Variants in TNFSF11 observed in about 807,000 individuals in gnomAD.
The protein encoded by TNFSF11 is tumor necrosis factor ligand superfamily member 11.
Under a neutral mutation model 32.2 loss-of-function variants are expected in TNFSF11, and 12 were observed. The observed-to-expected ratio is 0.37, with a 90% CI of 0.24 to 0.60. The LOEUF (loss-of-function observed/expected upper bound fraction) is 0.60, where lower values mean the gene tolerates loss of function less well. Ranked by LOEUF, TNFSF11 falls within the 20% of genes least tolerant of loss-of-function variation. The pLI, the probability that TNFSF11 is intolerant of heterozygous loss-of-function variation, is 0.66. For missense variants in TNFSF11, 345 were observed against 398.0 expected, an observed-to-expected ratio of 0.87 and a Z score of 1.13; for synonymous variants, 172 against 152.1, an observed-to-expected ratio of 1.13 and a Z score of -0.96.
chr13:42,604,986 T>C (rs573356455), intron 4 of TNFSF11, among the ~76,000 whole-genome samples: 2 of 152,254 alleles, frequency 1.3e-5, no homozygotes, highest in East Asian at 3.9e-4. Flanking sequence ...GGTTTCACCA[T>C]GTTGACCAGG....
At chr13:42,575,558 T>C (rs1047758601) in intron 1 of TNFSF11, among the ~76,000 whole-genome samples, 2 of 152,214 alleles carry the variant, frequency 1.3e-5, no homozygotes, top group African/African-American at 4.8e-5. Context: ...CCAAACGGGA[T>C]GCATCAAAAC....
chr13:42,580,187 A>G (rs1033631123), intron 1 of TNFSF11, among the ~76,000 whole-genome samples: 1 of 152,242 alleles, frequency 6.6e-6, no homozygotes, highest in Non-Finnish European at 1.5e-5. Flanking sequence ...AATTCTCATT[A>G]TTAAAACAGA....
chr13:42,574,386 G>C lies in TNFSF11; in HGVS notation c.83G>C (p.Gly28Ala). The C allele has an allele frequency of 6.5e-7, 1 of 1,547,700 alleles. No individual in the cohort carries two copies. ...GGCGGCCCCGGAGCCCCGCACGAGG[G>C]CCCCCTGCACGCCCCGCCGCCGCCT... is the stretch of plus-strand genomic sequence containing the variant. ...MGGGPGAPHE[G>A]PLHAPPPPAP... The change falls in exon 1 of 5, where the codon GGC (glycine) becomes GCC (alanine). Residue 28 changes from glycine to alanine, a missense_variant. Coordinates refer to ENST00000398795, the MANE Select transcript of TNFSF11 (RefSeq NM_003701.4).
chr13:42,597,340 C>T (rs365420), intron 2 of TNFSF11, among the ~76,000 whole-genome samples: 440 of 125,548 alleles, frequency 3.5e-3, no homozygotes, highest in South Asian at 4.2e-3. Flanking sequence ...GCCTTTTGTT[C>T]TTTTTTTTTT....
chr13:42,588,716 G>A (rs1361746220), intron 2 of TNFSF11, among the ~76,000 whole-genome samples: 1 of 152,196 alleles, frequency 6.6e-6, no homozygotes, highest in Admixed American at 6.5e-5. Flanking sequence ...TATCAGTGGG[G>A]ACTCTGATTT....
At chr13:42,589,505 T>G (rs7334187) in intron 2 of TNFSF11, among the ~76,000 whole-genome samples, 6,347 of 152,274 alleles carry the variant, frequency 0.042, 430 homozygotes, top group African/African-American at 0.14. Flanking sequence ...AGTAGATCGC[T>G]GTGGTTGTCA....
chr13:42,595,823 A>G (rs1426273725), intron 2 of TNFSF11, among the ~76,000 whole-genome samples: 1 of 152,224 alleles, frequency 6.6e-6, no homozygotes, highest in Non-Finnish European at 1.5e-5. Flanking sequence ...CTTTTGTAGT[A>G]TTTTCCCAAA....
chr13:42,607,152 A>G lies in TNFSF11; in HGVS notation c.*234A>G. 1 of 525,844 alleles carries G rather than the reference A, an allele frequency of 1.9e-6. No individual in the cohort carries two copies. Among genetic ancestry groups the G allele is most frequent in the East Asian group, 3.5e-5 (1 of 28,382 alleles). 32.6% of individuals were successfully genotyped at this position (525,844 alleles called of 1,614,324 possible). ...TTTTTAAATTTTGTAATGAATTCCT[A>G]GAATTAAACCAGATTGGAGCAATTA... On this transcript the variant is annotated 3_prime_UTR_variant, in exon 5 of 5. Coordinates refer to ENST00000398795, the MANE Select transcript of TNFSF11 (RefSeq NM_003701.4).
intron 2 of TNFSF11, among the ~76,000 whole-genome samples, chr13:42,597,131 G>A (rs1369373148): frequency 2.0e-5 from 3 of 151,752 alleles, no homozygotes; most frequent in Non-Finnish European, 4.4e-5. Context: ...AAAAAGCTGG[G>A]GTGCAGATAC....
At chr13:42,580,101 C>T (rs780955496) in intron 1 of TNFSF11, among the ~76,000 whole-genome samples, 3 of 152,078 alleles carry the variant, frequency 2.0e-5, no homozygotes, top group Non-Finnish European at 4.4e-5. Flanking sequence ...TTTTCTTTTT[C>T]GCTTAGTTTG....
intron 2 of TNFSF11, among the ~76,000 whole-genome samples, chr13:42,596,670 G>GAA (rs1868827645): frequency 6.6e-6 from 1 of 152,156 alleles, no homozygotes; most frequent in African/African-American, 2.4e-5. Flanking sequence ...TGGTAACAGG[G>GAA]AAAATACTTT....
intron 4 of TNFSF11, among the ~76,000 whole-genome samples, chr13:42,601,285 CT>C (rs1399747704): frequency 6.6e-6 from 1 of 152,244 alleles, no homozygotes; most frequent in Non-Finnish European, 1.5e-5. Context: ...CTCATCTGTA[CT>C]TTCCCAAGCT....
At chr13:42,586,073 T>C (rs1013197933) in intron 2 of TNFSF11, among the ~76,000 whole-genome samples, 2 of 152,240 alleles carry the variant, frequency 1.3e-5, no homozygotes, top group Non-Finnish European at 2.9e-5. Context: ...TTAGTAAATA[T>C]TTTGGAATGT....
At chr13:42,599,151 A>G (rs2137899980) in intron 2 of TNFSF11, among the ~76,000 whole-genome samples, 1 of 152,354 alleles carries the variant, frequency 6.6e-6, no homozygotes, top group East Asian at 1.9e-4. Context: ...ACTTCAGAAC[A>G]GGTCAGTGAA....
chr13:42,576,986 G>T (rs1873350258), intron 1 of TNFSF11, among the ~76,000 whole-genome samples: 1 of 152,084 alleles, frequency 6.6e-6, no homozygotes, highest in Admixed American at 6.5e-5. Context: ...TTGACTTGCC[G>T]CTGATTTAAC....
intron 1 of TNFSF11, among the ~76,000 whole-genome samples, chr13:42,579,704 C>CTTTTTTTTTTTT (rs59375842): frequency 2.3e-4 from 15 of 65,496 alleles, no homozygotes; most frequent in South Asian, 7.5e-4. Flanking sequence ...TAAGTAAGCC[C>CTTTTTTTTTTTT]TTTTTTTTTT....
At chr13:42,575,616 G>A (rs1008294445) in intron 1 of TNFSF11, among the ~76,000 whole-genome samples, 2 of 152,092 alleles carry the variant, frequency 1.3e-5, no homozygotes, top group Admixed American at 6.5e-5. Flanking sequence ...CCAATGTCTC[G>A]AACTCCATTA....
chr13:42,571,715 T>A (rs142942163), upstream of TNFSF11: 132 of 152,290 alleles, frequency 8.7e-4, no homozygotes, highest in African/African-American at 2.8e-3. Context: ...TCAACAACAC[T>A]TAGAAGCCAC....
intron 2 of TNFSF11, among the ~76,000 whole-genome samples, chr13:42,597,175 T>TACATGTC (rs11281370): frequency 0.9 from 135,827 of 151,704 alleles, 61,136 homozygotes; most frequent in East Asian, 1. Flanking sequence ...TACCTTGAGG[T>TACATGTC]TATAGACAGT....
Sources: allele counts gnomAD v4.1 joint callset (sites outside exome capture counted in the v4.1 genomes callset), GRCh38; gene constraint gnomAD v4.1.1; transcripts MANE v1.5; gene names NCBI Gene and HGNC (gene_info 2026-07-23, HGNC 2026-07-21).